The following GPC6 variants were observed in gnomAD, a reference collection of about 807,000 sequenced individuals.
The protein encoded by GPC6 is glypican-6.
A neutral mutation model predicts 55.2 loss-of-function variants in GPC6; 14 were observed. That is an observed-to-expected ratio of 0.25 (90% CI 0.17 to 0.40). The LOEUF (loss-of-function observed/expected upper bound fraction) is 0.40, where lower values mean the gene tolerates loss of function less well. GPC6 is among the 10% of genes least tolerant of loss of function. The probability of loss-of-function intolerance (pLI) is 1.00; values close to 1 mark genes in which losing one functional copy is unlikely to be tolerated. For missense variants in GPC6, 641 were observed against 708.5 expected, an observed-to-expected ratio of 0.90 and a Z score of 1.08; for synonymous variants, 278 against 259.6, an observed-to-expected ratio of 1.07 and a Z score of -0.68.
At position 93,345,582 on chromosome 13, in the gene GPC6, G is replaced by A. The variant is rs528823982; in HGVS notation, c.160+117966G>A. 9.6e-4 allele frequency among the ~76,000 whole-genome samples: 146 copies of A among 152,168 alleles called. 3 individuals are homozygous for A. The highest frequency in any genetic ancestry group is 3.4e-3 in the Middle Eastern group (1 of 294). Reference sequence around the variant, plus strand: ...TAAGAATAGTAATATATTTTGTAATGTATTTGCATAACTTTTGAAAGAAAA... The same window carrying A: ...TAAGAATAGTAATATATTTTGTAATATATTTGCATAACTTTTGAAAGAAAA... On this transcript the variant is annotated intron_variant, in intron 1 of 8. Coordinates refer to ENST00000377047, the MANE Select transcript of GPC6 (RefSeq NM_005708.5).
chr13:93,456,054 G>A (rs959005104), intron 1 of GPC6, among the ~76,000 whole-genome samples: 11 of 152,146 alleles, frequency 7.2e-5, no homozygotes, highest in South Asian at 4.2e-4. Context: ...CAGCTTTGTA[G>A]CTGTTTACCA....
intron 1 of GPC6, among the ~76,000 whole-genome samples, chr13:93,489,771 C>A (rs970889845): frequency 6.7e-6 from 1 of 149,344 alleles, no homozygotes; most frequent in African/African-American, 2.5e-5. Flanking sequence ...GGCTCTCTGT[C>A]TGTTATTGGT....
At chr13:93,402,916 T>C (rs1287767571) in intron 1 of GPC6, among the ~76,000 whole-genome samples, 1 of 152,162 alleles carries the variant, frequency 6.6e-6, no homozygotes. Context: ...CTAATGAGTA[T>C]ACATATCTTG....
At chr13:93,283,325 C>T (rs1156404812) in intron 1 of GPC6, among the ~76,000 whole-genome samples, 1 of 151,946 alleles carries the variant, frequency 6.6e-6, no homozygotes, top group East Asian at 1.9e-4. Context: ...TGAAATTTTG[C>T]GGTTGAGAAA....
At chr13:94,211,969 A>G (rs1890092439) in intron 4 of GPC6, among the ~76,000 whole-genome samples, 1 of 152,174 alleles carries the variant, frequency 6.6e-6, no homozygotes, top group Non-Finnish European at 1.5e-5. Context: ...CTAATTAACG[A>G]TGTCTTGAAG....
chr13:94,253,639 G>C (rs375747006), intron 4 of GPC6, among the ~76,000 whole-genome samples: 4 of 151,936 alleles, frequency 2.6e-5, no homozygotes, highest in African/African-American at 4.8e-5. Flanking sequence ...GTGTGTTTTC[G>C]ATCATAGAAA....
chr13:93,334,888 C>G (rs1043338905), intron 1 of GPC6, among the ~76,000 whole-genome samples: 1 of 152,016 alleles, frequency 6.6e-6, no homozygotes, highest in East Asian at 1.9e-4. Flanking sequence ...TAATTCCAAC[C>G]TTTAACATAA....
At chr13:93,295,492 T>C (rs1316585338) in intron 1 of GPC6, among the ~76,000 whole-genome samples, 4 of 151,954 alleles carry the variant, frequency 2.6e-5, no homozygotes, top group Non-Finnish European at 5.9e-5. Context: ...TTTTGTTTTT[T>C]GTTTGTTTGT....
At chr13:93,891,381 C>A (rs1451860769) in intron 3 of GPC6, among the ~76,000 whole-genome samples, 2 of 152,054 alleles carry the variant, frequency 1.3e-5, no homozygotes, top group African/African-American at 4.8e-5. Context: ...ACATCTGAAC[C>A]TCAGGAGAAA....
At chr13:93,834,172 C>T (rs1162697894) in intron 3 of GPC6, among the ~76,000 whole-genome samples, 3 of 152,106 alleles carry the variant, frequency 2.0e-5, no homozygotes, top group Non-Finnish European at 4.4e-5. Context: ...TACAATTAGA[C>T]GTGTAGAAGA....
chr13:94,059,575 G>A (rs61962286), intron 4 of GPC6, among the ~76,000 whole-genome samples: 26,288 of 151,772 alleles, frequency 0.17, 2,491 homozygotes, highest in South Asian at 0.3. Flanking sequence ...AGTCTATTTG[G>A]TTTGCTGTAA....
intron 3 of GPC6, among the ~76,000 whole-genome samples, chr13:93,959,669 G>T (rs1309586208): frequency 1.3e-5 from 2 of 152,034 alleles, no homozygotes; most frequent in Non-Finnish European, 2.9e-5. Context: ...ACTCACCTTA[G>T]TTGAGTAGGT....
chr13:94,077,692 T>C (rs1418980031), intron 4 of GPC6, among the ~76,000 whole-genome samples: 1 of 151,882 alleles, frequency 6.6e-6, no homozygotes, highest in Non-Finnish European at 1.5e-5. Context: ...GGCATTAAAT[T>C]TTGTCAAATG....
intron 2 of GPC6, among the ~76,000 whole-genome samples, chr13:93,579,363 C>G (rs762201824): frequency 1.3e-5 from 2 of 151,730 alleles, no homozygotes; most frequent in Non-Finnish European, 2.9e-5. Flanking sequence ...ATATTGACAT[C>G]TGTTATGTAC....
chr13:93,750,215 T>C (rs1884530343), intron 2 of GPC6, among the ~76,000 whole-genome samples: 1 of 152,196 alleles, frequency 6.6e-6, no homozygotes, highest in South Asian at 2.1e-4. Context: ...GAGAAAGTAG[T>C]AGTGAAGATT....
intron 2 of GPC6, among the ~76,000 whole-genome samples, chr13:93,683,281 G>A (rs1425530014): frequency 6.6e-6 from 1 of 151,640 alleles, no homozygotes; most frequent in East Asian, 1.9e-4. Context: ...TCTTTTTTTG[G>A]TATTTCTGCT....
At chr13:93,255,757 A>G (rs913233094) in intron 1 of GPC6, among the ~76,000 whole-genome samples, 3 of 152,178 alleles carry the variant, frequency 2.0e-5, no homozygotes, top group Non-Finnish European at 4.4e-5. Context: ...TACCAAGAAT[A>G]TATTTTTTGA....
chr13:93,401,907 G>C (rs1429089733), intron 1 of GPC6, among the ~76,000 whole-genome samples: 2 of 151,838 alleles, frequency 1.3e-5, no homozygotes, highest in Admixed American at 6.6e-5. Flanking sequence ...TAAGGTTGGG[G>C]GAAGGAAACT....
intron 2 of GPC6, among the ~76,000 whole-genome samples, chr13:93,584,641 T>C (rs919896122): frequency 7.2e-5 from 11 of 151,914 alleles, no homozygotes; most frequent in African/African-American, 2.7e-4. Flanking sequence ...TTGAAAATGG[T>C]TATTCTAAAG....
Sources: gnomAD v4.1 joint callset for allele counts (sites outside exome capture counted in the v4.1 genomes callset) on GRCh38, gnomAD v4.1.1 for gene constraint, MANE v1.5 for transcripts, NCBI Gene and HGNC (gene_info 2026-07-23, HGNC 2026-07-21) for gene names.